ELMOD3: variants seen among roughly 807,000 people sequenced by gnomAD.
ELMOD3 encodes the protein ELMO domain containing 3, also known as ELMO domain-containing protein 3.
A neutral mutation model predicts 47.4 loss-of-function variants in ELMOD3; 36 were observed. The ratio of observed to expected loss-of-function variants is 0.76; its 90% confidence interval spans 0.58 to 1.00. The LOEUF is 1.00. ELMOD3 is among the 50% of genes least tolerant of loss of function. The pLI, the probability that ELMOD3 is intolerant of heterozygous loss-of-function variation, is 0.00. For missense variants in ELMOD3, 404 were observed against 463.8 expected, an observed-to-expected ratio of 0.87 and a Z score of 1.18; for synonymous variants, 149 against 183.5, an observed-to-expected ratio of 0.81 and a Z score of 1.52.
chr2:85,364,712 C>T (rs1684229727), intron 6 of ELMOD3, among the ~76,000 whole-genome samples: 2 of 148,516 alleles, frequency 1.3e-5, no homozygotes, highest in South Asian at 4.2e-4. Context: ...ATAGGAACAT[C>T]ATTTGGACAT....
At chr2:85,358,151 T>C (rs1683691543) in intron 4 of ELMOD3, among the ~76,000 whole-genome samples, 1 of 151,740 alleles carries the variant, frequency 6.6e-6, no homozygotes, top group Non-Finnish European at 1.5e-5. Flanking sequence ...TGGTGGTGCA[T>C]GCCTGTAATC....
chr2:85,371,034 A>C (rs1170510831), intron 8 of ELMOD3, 52 bp from the exon 9 acceptor site: 1 of 1,592,470 alleles, frequency 6.3e-7, no homozygotes, highest in Non-Finnish European at 8.6e-7. Context: ...TGGGAAGTTG[A>C]TTAAGGGAAA....
intron 5 of ELMOD3, among the ~76,000 whole-genome samples, chr2:85,362,672 A>G (rs1267316596): frequency 6.6e-6 from 1 of 152,152 alleles, no homozygotes; most frequent in Non-Finnish European, 1.5e-5. Flanking sequence ...TAATCCCAGC[A>G]CTTTGGGAGG....
rs566627484 is a variant in ELMOD3 at position 85,382,091 on chromosome 2, T to C, written c.738+4617T>C. On this transcript the variant is annotated intron_variant, in intron 11 of 13. Coordinates refer to ENST00000409013, the MANE Select transcript of ELMOD3 (RefSeq NM_001135022.2). ...GAGATCTTGCCACTGCACTCCAGCC[T>C]GGGTGACAAAGCAAGACTCCTTCTC... 2.7e-5 allele frequency among the ~76,000 whole-genome samples: 3 copies of C among 110,634 alleles called. No individual in the cohort carries two copies. In the East Asian group the frequency reaches 8.1e-4, roughly 30 times the overall value. The allele number at this position is 110,634 out of a possible 152,430, so 72.6% of individuals were successfully genotyped here. A position where few individuals can be genotyped will look rare whatever the true frequency, so the allele number is the denominator to read the frequency against.
intron 11 of ELMOD3, among the ~76,000 whole-genome samples, chr2:85,387,666 CAAAA>C (rs33992978): frequency 2.1e-5 from 2 of 94,114 alleles, no homozygotes; most frequent in African/African-American, 8.6e-5. Context: ...GACTCCATCT[CAAAA>C]AAAAAAAAAA....
Position 85,354,845 on chromosome 2 carries a change from C to A in ELMOD3, c.-372+16C>A. On this transcript the variant is annotated intron_variant, in intron 1 of 13. Transcript: ENST00000409013. ...TCTTTTAACGGTGAGAACGCGTTAA[C>A]ACTTGCCAAGGGGAGTGGTTGGTGC... 4.5e-6 allele frequency: 1 copy of A among 223,248 alleles called. No individual in the cohort carries two copies. Among genetic ancestry groups the A allele is most frequent in the Non-Finnish European group, 9.0e-6 (1 of 110,806 alleles). The allele number at this position is 223,248 out of a possible 1,614,324, so 13.8% of individuals were successfully genotyped here. A position where few individuals can be genotyped will look rare whatever the true frequency, so the allele number is the denominator to read the frequency against.
intron 8 of ELMOD3, 23 bp downstream of exon 8, chr2:85,369,853 A>G (rs765643099): frequency 1.4e-5 from 23 of 1,612,216 alleles, no homozygotes; most frequent in Middle Eastern, 1.7e-4. Flanking sequence ...CAGGGTTTGG[A>G]GTCTCAAGCA....
intron 11 of ELMOD3, among the ~76,000 whole-genome samples, chr2:85,378,599 G>A (rs573778420): frequency 2.6e-5 from 4 of 152,306 alleles, no homozygotes; most frequent in African/African-American, 7.2e-5. Context: ...TCTGCTTAGG[G>A]TCTCCAAAGG....
At chr2:85,382,266 C>T (rs984924879) in intron 11 of ELMOD3, among the ~76,000 whole-genome samples, 6 of 151,040 alleles carry the variant, frequency 4.0e-5, no homozygotes, top group Non-Finnish European at 5.9e-5. Flanking sequence ...GGTGAAACCC[C>T]GTCTCTACTA....
chr2:85,385,405 A>G (rs1335833072), intron 11 of ELMOD3, among the ~76,000 whole-genome samples: 2 of 152,064 alleles, frequency 1.3e-5, no homozygotes, highest in Non-Finnish European at 2.9e-5. Flanking sequence ...TTGGTTAGGT[A>G]GTGGAAAATT....
intron 11 of ELMOD3, chr2:85,386,997 C>T (rs1685976644): frequency 3.3e-6 from 4 of 1,220,982 alleles, no homozygotes; most frequent in Admixed American, 2.8e-5. Context: ...AGCGAAACTC[C>T]GTCTCAAAAA....
At chr2:85,382,805 C>T (rs188571894) in intron 11 of ELMOD3, among the ~76,000 whole-genome samples, 9 of 152,130 alleles carry the variant, frequency 5.9e-5, no homozygotes, top group African/African-American at 2.2e-4. Context: ...CGTGAGCCAC[C>T]GCGTCTGGCC....
Position 85,367,916 on chromosome 2 carries a change from C to CT in ELMOD3, c.200-756dup, listed in dbSNP as rs1202869090. On this transcript the variant is annotated intron_variant, in intron 6 of 13. Transcript: ENST00000409013. ...TGATGTCGGATCTTACTTTTCTTTT[C>CT]TTTTTTTTTTTTTTGAGGTGGAGTC... Among the ~76,000 whole-genome samples the CT allele has an allele frequency of 5.8e-3, 815 of 141,284 alleles. 3 individuals carry two copies. Among genetic ancestry groups the CT allele is most frequent in the African/African-American group, 0.013 (497 of 38,818 alleles). 92.7% of individuals were successfully genotyped at this position (141,284 alleles called of 152,430 possible).
chr2:85,361,205 GGTT>G (rs1428394476), intron 4 of ELMOD3, among the ~76,000 whole-genome samples: 2 of 138,704 alleles, frequency 1.4e-5, no homozygotes, highest in African/African-American at 5.5e-5. Flanking sequence ...TATTTTGGTC[GGTT>G]TTTTGTTTTT....
chr2:85,357,609 ATG>A lies in ELMOD3; in HGVS notation c.54+359_54+360del, dbSNP rs202071832. ...TCCTCAGGACTCAGTTCAATGTGAT[ATG>A]TCTTTGTATGAGCCGGGCAGCTAAC... On this transcript the variant is annotated intron_variant, in intron 4 of 13. Transcript: ENST00000409013. The A allele has an allele frequency of 5.5e-5, 9 of 164,236 alleles. No homozygotes were observed. In the East Asian group the frequency reaches 1.6e-3, roughly 29 times the overall value. The allele number at this position is 164,236 out of a possible 1,614,324, so 10.2% of individuals were successfully genotyped here.
At chr2:85,387,024 A>G (rs1404220559) in intron 11 of ELMOD3, 1 of 1,255,976 alleles carries the variant, frequency 8.0e-7, no homozygotes, top group Non-Finnish European at 1.0e-6. Context: ...GTTCCTGAGA[A>G]TGGATGAACA....
intron 11 of ELMOD3, among the ~76,000 whole-genome samples, chr2:85,379,142 C>T (rs1685371867): frequency 6.6e-6 from 1 of 152,030 alleles, no homozygotes; most frequent in African/African-American, 2.4e-5. Flanking sequence ...TTTTCAGTGA[C>T]TCCAAATTAG....
chr2:85,365,464 A>G (rs1049574213), intron 6 of ELMOD3, among the ~76,000 whole-genome samples: 22 of 152,304 alleles, frequency 1.4e-4, no homozygotes, highest in African/African-American at 5.3e-4. Context: ...AGCTGAAATA[A>G]AGGAGACAAT....
At chr2:85,359,919 C>A (rs1373477207) in intron 4 of ELMOD3, among the ~76,000 whole-genome samples, 2 of 152,000 alleles carry the variant, frequency 1.3e-5, no homozygotes, top group Non-Finnish European at 2.9e-5. Flanking sequence ...ATGTAGACCC[C>A]ATGGCTACAT....
Sources: allele counts gnomAD v4.1 joint callset (sites outside exome capture counted in the v4.1 genomes callset), GRCh38; gene constraint gnomAD v4.1.1; transcripts MANE v1.5; gene names NCBI Gene and HGNC (gene_info 2026-07-23, HGNC 2026-07-21).